SMC1B: variants seen among roughly 807,000 people sequenced by gnomAD.
The protein encoded by SMC1B is structural maintenance of chromosomes 1B, also known as structural maintenance of chromosomes protein 1B.
SMC1B carries 60 observed loss-of-function variants against 157.9 expected under a neutral mutation model. The ratio of observed to expected loss-of-function variants is 0.38; its 90% CI spans 0.31 to 0.47. The LOEUF is 0.47. Ranked by LOEUF, SMC1B falls within the 20% of genes least tolerant of loss-of-function variation. SMC1B has a pLI of 0.99. For missense variants in SMC1B, 1,165 were observed against 1,426.2 expected, an observed-to-expected ratio of 0.82 and a Z score of 2.95; for synonymous variants, 445 against 483.0, an observed-to-expected ratio of 0.92 and a Z score of 1.03.
chr22:45,356,036 C>T (rs2086666645), intron 19 of SMC1B, among the ~76,000 whole-genome samples: 1 of 152,218 alleles, frequency 6.6e-6, no homozygotes. Flanking sequence ...CACCACTGCA[C>T]TCCAGCCTAG....
At chr22:45,354,633 C>T (rs571185280) in intron 20 of SMC1B, among the ~76,000 whole-genome samples, 8 of 152,180 alleles carry the variant, frequency 5.3e-5, no homozygotes, top group East Asian at 3.9e-4. Flanking sequence ...TCAGATGATC[C>T]GCCCACCTCA....
At chr22:45,391,218 A>G (rs2087055158) in intron 9 of SMC1B, among the ~76,000 whole-genome samples, 1 of 152,106 alleles carries the variant, frequency 6.6e-6, no homozygotes. Flanking sequence ...ATTTCTTGCT[A>G]TTAATGCTTC....
At chr22:45,345,780 T>C (rs2086545137) in intron 23 of SMC1B, among the ~76,000 whole-genome samples, 1 of 152,102 alleles carries the variant, frequency 6.6e-6, no homozygotes, top group Admixed American at 6.6e-5. Context: ...TCTAAAACTT[T>C]AAGAATATTT....
At chr22:45,354,879 G>A in intron 20 of SMC1B, 80 bp downstream of exon 20, 1 of 1,350,730 alleles carries the variant, frequency 7.4e-7, no homozygotes, top group Non-Finnish European at 1.0e-6. Flanking sequence ...AGGGACAACA[G>A]AGGGGAGATT....
At chr22:45,388,387 G>C (rs1485438384) in intron 10 of SMC1B, among the ~76,000 whole-genome samples, 2 of 152,160 alleles carry the variant, frequency 1.3e-5, no homozygotes, top group African/African-American at 2.4e-5. Flanking sequence ...ATACACTTCT[G>C]TGTAAGATTT....
Position 45,372,185 on chromosome 22 carries a change from A to C in SMC1B, c.2166T>G (p.Ile722Met). Reference protein sequence around the residue: ...LKYSQNELEMIKKKHLVAFYQ... With the variant: ...LKYSQNELEMMKKKHLVAFYQ... ...AAAAAGCAACAAGGTGCTTCTTCTT[A>C]ATCATCTCTAGTTCATTTTGTGAAT... The change falls in exon 13 of 25, where the codon ATT becomes ATG. Residue 722 changes from isoleucine (I) to methionine (M), a missense_variant. Transcript: ENST00000357450. 1 of 1,609,732 alleles carries C rather than the reference A, an allele frequency of 6.2e-7. No individual in the cohort carries two copies. The highest frequency in any genetic ancestry group is 1.7e-5 in the Admixed American group (1 of 59,304).
intron 9 of SMC1B, among the ~76,000 whole-genome samples, chr22:45,391,881 C>G (rs2087062509): frequency 6.6e-6 from 1 of 152,074 alleles, no homozygotes; most frequent in African/African-American, 2.4e-5. Flanking sequence ...ATTTTAAAGC[C>G]CTAGTAAGTG....
chr22:45,410,196 G>A (rs973593395), intron 1 of SMC1B, among the ~76,000 whole-genome samples: 1 of 152,154 alleles, frequency 6.6e-6, no homozygotes, highest in Non-Finnish European at 1.5e-5. Context: ...ATAGTATTGA[G>A]TCAAACTATA....
Position 45,408,633 on chromosome 22 carries a change from C to A in SMC1B, c.298+77G>T, listed in dbSNP as rs367914195. The A allele has an allele frequency of 5.0e-5, 48 of 960,042 alleles. No individual in the cohort carries two copies. The African/African-American group carries it at 6.3e-4, about 13-fold the overall frequency. 59.5% of individuals were successfully genotyped at this position (960,042 alleles called of 1,614,324 possible). Reference sequence around the variant, plus strand: ...TACACCAGTAGAATAATAAACCATACCCTCCAAAGAAAGAAAAAATGGGCA... The same window carrying A: ...TACACCAGTAGAATAATAAACCATAACCTCCAAAGAAAGAAAAAATGGGCA... On this transcript the variant is annotated intron_variant, in intron 2 of 24. Transcript: ENST00000357450.
At position 45,393,702 on chromosome 22, in the gene SMC1B, C is replaced by A; in HGVS notation, c.1477G>T (p.Glu493Ter). Residue 493 changes from glutamate (E) to a stop codon, truncating the protein, a stop_gained, in exon 9 of 25, where the codon GAG becomes TAG. Transcript: ENST00000357450. LOFTEE classifies it high-confidence loss of function. ...ELQNAGIDTH[E>*]GKRQQKRAEV... Reference sequence around the variant, plus strand: ...GCTCTCTTTTGCTGACGTTTTCCCTCATGGGTATCAATCCCAGCATTCTGC... The same window carrying A: ...GCTCTCTTTTGCTGACGTTTTCCCTAATGGGTATCAATCCCAGCATTCTGC... The A allele has an allele frequency of 6.2e-7, 1 of 1,614,158 alleles. No individual in the cohort carries two copies. The highest frequency in any genetic ancestry group is 8.5e-7 in the Non-Finnish European group (1 of 1,180,016).
At chr22:45,350,798 A>G (rs966450687) in intron 22 of SMC1B, among the ~76,000 whole-genome samples, 44 of 151,724 alleles carry the variant, frequency 2.9e-4, no homozygotes, top group African/African-American at 9.9e-4. Context: ...CTTCCTTCAC[A>G]CCCGTACCTG....
Position 45,386,249 on chromosome 22 carries a change from T to TA in SMC1B, c.1911+617dup, listed in dbSNP as rs889817854. On this transcript the variant is annotated intron_variant, in intron 11 of 24. Transcript: ENST00000357450. Reference sequence around the variant, plus strand: ...TGATACTTCATCATAAATGTAGTTTTAAAAAAAAAACTATGTCAGATTATT... The same window carrying TA: ...TGATACTTCATCATAAATGTAGTTTTAAAAAAAAAAACTATGTCAGATTATT... 8.1e-5 allele frequency among the ~76,000 whole-genome samples: 12 copies of TA among 149,066 alleles called. No homozygotes were observed. The East Asian group carries it at 1.2e-3, about 15-fold the overall frequency.
intron 21 of SMC1B, among the ~76,000 whole-genome samples, chr22:45,353,580 A>G (rs537981050): frequency 3.9e-5 from 6 of 152,226 alleles, no homozygotes; most frequent in Non-Finnish European, 8.8e-5. Context: ...TACTCTGGTC[A>G]ACTCCACAGA....
intron 4 of SMC1B, among the ~76,000 whole-genome samples, chr22:45,404,114 G>A (rs1478031882): frequency 1.3e-5 from 2 of 152,112 alleles, no homozygotes; most frequent in Non-Finnish European, 2.9e-5. Flanking sequence ...GCTAATTTTT[G>A]TATTTTTAGT....
chr22:45,413,238 G>C (rs961756034), intron 1 of SMC1B, among the ~76,000 whole-genome samples: 3 of 152,138 alleles, frequency 2.0e-5, no homozygotes, highest in African/African-American at 7.2e-5. Flanking sequence ...GACAAGGGTC[G>C]GGACCCCTGA....
At chr22:45,377,324 C>A (rs1055615485) in intron 12 of SMC1B, among the ~76,000 whole-genome samples, 2 of 152,010 alleles carry the variant, frequency 1.3e-5, no homozygotes, top group South Asian at 4.1e-4. Flanking sequence ...TTGTTTTCTA[C>A]GAAATTAATG....
chr22:45,347,056 T>A (rs1259058871), intron 23 of SMC1B, among the ~76,000 whole-genome samples: 1 of 152,184 alleles, frequency 6.6e-6, no homozygotes, highest in East Asian at 1.9e-4. Flanking sequence ...CCACCAAGAT[T>A]TCCCCTCACA....
At chr22:45,382,591 C>A (rs1029617441) in intron 12 of SMC1B, among the ~76,000 whole-genome samples, 2 of 152,158 alleles carry the variant, frequency 1.3e-5, no homozygotes, top group African/African-American at 4.8e-5. Flanking sequence ...ATTATACTTA[C>A]AATGGGTGAC....
intron 22 of SMC1B, among the ~76,000 whole-genome samples, chr22:45,351,625 T>C (rs974451449): frequency 6.6e-6 from 1 of 152,206 alleles, no homozygotes. Flanking sequence ...CACGGTTTAT[T>C]GCAGCCTCGA....
Sources: gnomAD v4.1 joint callset for allele counts (sites outside exome capture counted in the v4.1 genomes callset) on GRCh38, gnomAD v4.1.1 for gene constraint, MANE v1.5 for transcripts, NCBI Gene and HGNC (gene_info 2026-07-23, HGNC 2026-07-21) for gene names.